The following DISP1 variants were observed in gnomAD, a reference collection of about 807,000 sequenced individuals.
DISP1 encodes dispatched RND transporter family member 1.
A neutral mutation model predicts 37.3 loss-of-function variants in DISP1; 30 were observed. That is an observed-to-expected ratio of 0.80 (90% CI 0.60 to 1.09). The LOEUF is 1.09. Among genes scored for constraint, DISP1 ranks in the 50% least tolerant of loss-of-function variants. The pLI is 0.00. For missense variants in DISP1, 1,598 were observed against 1,879.5 expected, an observed-to-expected ratio of 0.85 and a Z score of 2.77; for synonymous variants, 634 against 690.2, an observed-to-expected ratio of 0.92 and a Z score of 1.28.
chr1:222,978,391 G>T (rs1677564026), intron 3 of DISP1, among the ~76,000 whole-genome samples: 1 of 152,036 alleles, frequency 6.6e-6, no homozygotes, highest in Admixed American at 6.6e-5. Flanking sequence ...TTGTAAATTT[G>T]TTTGAGTTCA....
intron 1 of DISP1, among the ~76,000 whole-genome samples, chr1:222,892,325 T>G (rs1462433012): frequency 6.6e-6 from 1 of 152,240 alleles, no homozygotes; most frequent in Non-Finnish European, 1.5e-5. Flanking sequence ...GCTTCACGTC[T>G]TATTGTGGCT....
intron 4 of DISP1, among the ~76,000 whole-genome samples, chr1:222,988,368 A>G (rs1174930778): frequency 6.6e-6 from 1 of 152,186 alleles, no homozygotes; most frequent in Non-Finnish European, 1.5e-5. Context: ...CAGAGATTAA[A>G]AGCCCTGACA....
intron 1 of DISP1, among the ~76,000 whole-genome samples, chr1:222,865,569 A>C (rs1669137332): frequency 6.6e-6 from 1 of 152,204 alleles, no homozygotes; most frequent in Admixed American, 6.5e-5. Context: ...TTCCTAGATT[A>C]AAATTTTAAA....
chr1:222,896,473 C>T (rs915963801), intron 1 of DISP1, among the ~76,000 whole-genome samples: 9 of 151,304 alleles, frequency 5.9e-5, no homozygotes, highest in Non-Finnish European at 1.2e-4. Flanking sequence ...TGCTGGTGGG[C>T]GCCTGTAATC....
intron 2 of DISP1, among the ~76,000 whole-genome samples, chr1:222,929,348 T>C (rs1288961192): frequency 6.6e-6 from 1 of 152,154 alleles, no homozygotes; most frequent in Non-Finnish European, 1.5e-5. Flanking sequence ...ATGTGAAATA[T>C]GTTTATGTTT....
chr1:223,004,552 T>C lies in DISP1; in HGVS notation c.3155T>C (p.Phe1052Ser). 6.2e-7 allele frequency: 1 copy of C among 1,614,214 alleles called. No homozygotes were observed. Among genetic ancestry groups the C allele is most frequent in the Non-Finnish European group, 8.5e-7 (1 of 1,180,044 alleles). ...ISVAVGLSVD[F>S]AVHYGVAYRL... Reference sequence around the variant, plus strand: ...GTTGCCGTCGGCTTGTCTGTAGACTTTGCCGTCCATTATGGGGTTGCCTAC... The same window carrying C: ...GTTGCCGTCGGCTTGTCTGTAGACTCTGCCGTCCATTATGGGGTTGCCTAC... Residue 1052 changes from phenylalanine to serine, a missense_variant, in exon 9 of 9, where the codon TTT becomes TCT. Phe to Ser is a radical substitution (Grantham distance 155). Coordinates refer to ENST00000675850, the MANE Select transcript of DISP1 (RefSeq NM_001377229.1). This position sits in a 1 kb window ranked among gnomAD's most constrained non-coding sequence, Gnocchi z 4.9.
intron 1 of DISP1, among the ~76,000 whole-genome samples, chr1:222,852,412 G>C (rs1169623752): frequency 6.6e-6 from 1 of 151,402 alleles, no homozygotes; most frequent in African/African-American, 2.4e-5. Context: ...TCACCATGTT[G>C]CCCAGGCTGG....
intron 6 of DISP1, among the ~76,000 whole-genome samples, 183 bp downstream of exon 6, chr1:222,991,830 T>C (rs1162503593): frequency 6.6e-6 from 1 of 152,128 alleles, no homozygotes; most frequent in Non-Finnish European, 1.5e-5. Flanking sequence ...AAAGGTGAGA[T>C]TTTCTTTTTT....
chr1:222,883,194 C>A (rs1476181745), intron 1 of DISP1, among the ~76,000 whole-genome samples: 1 of 152,072 alleles, frequency 6.6e-6, no homozygotes, highest in East Asian at 1.9e-4. Flanking sequence ...TACGCTTTAA[C>A]ACATTAATTC....
intron 2 of DISP1, among the ~76,000 whole-genome samples, chr1:222,937,040 T>C (rs1298336223): frequency 8.8e-5 from 10 of 113,544 alleles, no homozygotes; most frequent in South Asian, 2.5e-4. Context: ...TATTATATAA[T>C]ATATTATATA....
Position 222,949,919 on chromosome 1 carries a change from G to A in DISP1, c.509+6587G>A, listed in dbSNP as rs963772225. Among the ~76,000 whole-genome samples, 4 of 152,232 alleles carry A rather than the reference G, an allele frequency of 2.6e-5. No homozygotes were observed. In the South Asian group the frequency reaches 6.2e-4, roughly 24 times the overall value. On this transcript the variant is annotated intron_variant, in intron 3 of 8. Coordinates refer to ENST00000675850, the MANE Select transcript of DISP1 (RefSeq NM_001377229.1). ...TGGGATTACAGGCATGAGCCACAGCGCCCAGCCACAATAAGGAATTTTAAA... is the reference window on the plus strand; with the variant it reads ...TGGGATTACAGGCATGAGCCACAGCACCCAGCCACAATAAGGAATTTTAAA...
chr1:222,862,378 A>G (rs181676217), intron 1 of DISP1, among the ~76,000 whole-genome samples: 92 of 152,320 alleles, frequency 6.0e-4, no homozygotes, highest in African/African-American at 1.8e-3. Context: ...ACACTTTAGT[A>G]TGTAGTTCCT....
intron 1 of DISP1, among the ~76,000 whole-genome samples, chr1:222,873,259 G>A (rs1407010606): frequency 6.6e-6 from 1 of 152,190 alleles, no homozygotes; most frequent in Non-Finnish European, 1.5e-5. Context: ...TGTTGATTTG[G>A]GCTAGAGAGT....
intron 1 of DISP1, among the ~76,000 whole-genome samples, chr1:222,871,772 C>T (rs977141454): frequency 6.4e-4 from 98 of 151,986 alleles, no homozygotes; most frequent in Middle Eastern, 6.8e-3. Context: ...AATTGAATGC[C>T]GTTTATTTCC....
intron 1 of DISP1, among the ~76,000 whole-genome samples, chr1:222,846,652 G>A (rs1308038604): frequency 6.6e-6 from 1 of 152,244 alleles, no homozygotes; most frequent in East Asian, 1.9e-4. Context: ...AAGTAAAGAT[G>A]CATCTAAGGC....
At position 222,997,034 on chromosome 1, in the gene DISP1, G is replaced by GTC. The variant is rs146684085; in HGVS notation, c.987+2068_987+2069dup. 6.3e-3 allele frequency among the ~76,000 whole-genome samples: 940 copies of GTC among 149,402 alleles called. 12 individuals carry two copies. The highest frequency in any genetic ancestry group is 0.021 in the African/African-American group (855 of 40,368). On this transcript the variant is annotated intron_variant, in intron 8 of 8. Transcript: ENST00000675850. ...AGTCTCTCATCTCTCCTCTCTCTCT[G>GTC]TCTCTCTCTCTCTCTCTATATATAT...
chr1:222,870,324 C>G (rs1309500048), intron 1 of DISP1, among the ~76,000 whole-genome samples: 1 of 152,182 alleles, frequency 6.6e-6, no homozygotes, highest in Non-Finnish European at 1.5e-5. Context: ...ATGGCTGGGT[C>G]AAATGGTATT....
chr1:222,900,961 A>G (rs547151114), intron 1 of DISP1, among the ~76,000 whole-genome samples: 10 of 152,300 alleles, frequency 6.6e-5, no homozygotes, highest in Non-Finnish European at 1.5e-4. Context: ...GTTGGGAATG[A>G]TCCAACAGAG....
In DISP1 at chr1:223,005,924, A is replaced by C; in HGVS notation, c.4527A>C (p.Leu1509Phe). 6.2e-7 allele frequency: 1 copy of C among 1,614,112 alleles called. No individual in the cohort carries two copies. ...PNMEANVPAV[L>F]THSELSGESL... ...TGGAAGCCAATGTGCCTGCTGTATTAACACACTCGGAACTTTCTGGTGAAA... is the reference window on the plus strand; with the variant it reads ...TGGAAGCCAATGTGCCTGCTGTATTCACACACTCGGAACTTTCTGGTGAAA... Residue 1509 changes from leucine (L) to phenylalanine (F), a missense_variant, in exon 9 of 9, where the codon TTA (leucine) becomes TTC (phenylalanine). Coordinates refer to ENST00000675850, the MANE Select transcript of DISP1 (RefSeq NM_001377229.1).
Sources: gnomAD v4.1 joint callset for allele counts (sites outside exome capture counted in the v4.1 genomes callset) on GRCh38, gnomAD v4.1.1 for gene constraint, Gnocchi (gnomAD v3.1) non-coding constraint, MANE v1.5 for transcripts, NCBI Gene and HGNC (gene_info 2026-07-23, HGNC 2026-07-21) for gene names.